The following MRPL19 variants were observed in gnomAD, a reference collection of about 807,000 sequenced individuals.
The protein encoded by MRPL19 is large ribosomal subunit protein bL19m.
MRPL19 carries 31 observed loss-of-function variants against 34.0 expected under a neutral mutation model. The observed-to-expected ratio is 0.91, with a 90% CI of 0.68 to 1.23. MRPL19 has a LOEUF of 1.23. MRPL19 is among the 50% of genes most tolerant of loss of function. The probability of loss-of-function intolerance (pLI) is 0.00; values close to 1 mark genes in which losing one functional copy is unlikely to be tolerated. For missense variants in MRPL19, 384 were observed against 367.6 expected, an observed-to-expected ratio of 1.04 and a Z score of -0.37; for synonymous variants, 152 against 127.7, an observed-to-expected ratio of 1.19 and a Z score of -1.28.
rs1042767008 is a variant in MRPL19 at position 75,655,308 on chromosome 2, T to C, written c.*23T>C. ...TGATTCTGAGAATGAATTTGGTTAGTTGCAGAAGATACATTGGCTCTAAGA... is the reference window on the plus strand; with the variant it reads ...TGATTCTGAGAATGAATTTGGTTAGCTGCAGAAGATACATTGGCTCTAAGA... On this transcript the variant is annotated 3_prime_UTR_variant, in exon 6 of 6. Transcript: ENST00000393909. 10 of 1,551,124 alleles carry C rather than the reference T, an allele frequency of 6.4e-6. No homozygotes were observed. Among genetic ancestry groups the C allele is most frequent in the African/African-American group, 4.1e-5 (3 of 73,636 alleles).
rs372834322 is a variant in MRPL19, at chr2:75,655,066, G to A, written c.660G>A (p.Leu220=). The change falls in exon 6 of 6, where the codon CTG becomes CTA. Residue 220 remains leucine, a splice_region_variant and synonymous_variant. Transcript: ENST00000393909. ...EPNQKVPVNE[L]KVKMKPKPWS... is the part of the protein sequence containing the mutation. Reference sequence around the variant, plus strand: ...TTTTTTTTTTTAATCTTCCTTAGCTGAAAGTAAAAATGAAGCCTAAGCCCT... The same window carrying A: ...TTTTTTTTTTTAATCTTCCTTAGCTAAAAGTAAAAATGAAGCCTAAGCCCT... 3.2e-5 allele frequency: 39 copies of A among 1,206,390 alleles called. No individual in the cohort carries two copies. Among genetic ancestry groups the A allele is most frequent in the Admixed American group, 1.4e-4 (6 of 41,936 alleles). 74.7% of individuals were successfully genotyped at this position (1,206,390 alleles called of 1,614,324 possible). A position where few individuals can be genotyped will look rare whatever the true frequency, so the allele number is the denominator to read the frequency against.
At chr2:75,649,581 T>C (rs1012407027) in intron 2 of MRPL19, among the ~76,000 whole-genome samples, 3 of 152,322 alleles carry the variant, frequency 2.0e-5, no homozygotes, top group Non-Finnish European at 2.9e-5. Flanking sequence ...ATCGTGATAA[T>C]ATAGGAGCAA....
chr2:75,652,689 G>T, intron 4 of MRPL19, 32 bp downstream of exon 4: 1 of 1,596,596 alleles, frequency 6.3e-7, no homozygotes, highest in Non-Finnish European at 8.5e-7. Context: ...TCATTGTCTA[G>T]AAAATGTTAT....
intron 2 of MRPL19, among the ~76,000 whole-genome samples, chr2:75,650,280 GAAGA>G (rs1445593606): frequency 1.5e-5 from 2 of 135,358 alleles, no homozygotes; most frequent in Non-Finnish European, 3.2e-5. Flanking sequence ...ATCAGTTAAA[GAAGA>G]AAAAAAGAAG....
Position 75,647,221 on chromosome 2 carries a change from T to A in MRPL19, c.221+2T>A. 6.3e-7 allele frequency: 1 copy of A among 1,578,268 alleles called. No homozygotes were observed. On this transcript the variant is annotated splice_donor_variant, in intron 2 of 5. Coordinates refer to ENST00000393909, the MANE Select transcript of MRPL19 (RefSeq NM_014763.4). LOFTEE classifies it high-confidence loss of function. ...CCGCCCCGTGGAACCGGAACGCAGG[T>A]GAGGCACTGCCCTGGCGCTAGGCCG...
chr2:75,653,380 C>T (rs1361059820), intron 4 of MRPL19, among the ~76,000 whole-genome samples: 1 of 152,174 alleles, frequency 6.6e-6, no homozygotes, highest in East Asian at 1.9e-4. Flanking sequence ...TGGTCAAATA[C>T]TTGGAGAGGC....
rs1678439859 is a variant in MRPL19, at chr2:75,655,901, A to C, written c.*616A>C. ...AACCTGAAAAAAAAAACCTGTTAGC[A>C]AGTATAAAGGGGCAGTATTACTATT... On this transcript the variant is annotated 3_prime_UTR_variant, in exon 6 of 6. Coordinates refer to ENST00000393909, the MANE Select transcript of MRPL19 (RefSeq NM_014763.4). 1 of 151,684 alleles carries C rather than the reference A, an allele frequency of 6.6e-6. No homozygotes were observed. The highest frequency in any genetic ancestry group is 6.6e-5 in the Admixed American group (1 of 15,220). The allele number at this position is 151,684 out of a possible 1,614,324, so 9.4% of individuals were successfully genotyped here.
chr2:75,648,618 G>C (rs548806823), intron 2 of MRPL19, among the ~76,000 whole-genome samples: 2 of 152,136 alleles, frequency 1.3e-5, no homozygotes, highest in African/African-American at 4.8e-5. Context: ...CCAGCACTTT[G>C]GGAGGCCGAG....
chr2:75,650,368 A>G (rs543303058), intron 2 of MRPL19, among the ~76,000 whole-genome samples: 1 of 152,348 alleles, frequency 6.6e-6, no homozygotes, highest in East Asian at 1.9e-4. Context: ...CATTTCTACA[A>G]TCACAACAAT....
Position 75,654,825 on chromosome 2 carries a change from TACTTAC to T in MRPL19, c.566_571del (p.Tyr189_Arg191delinsTer). The T allele has an allele frequency of 6.2e-7, 1 of 1,613,900 alleles. No homozygotes were observed. Among genetic ancestry groups the T allele is most frequent in the Non-Finnish European group, 8.5e-7 (1 of 1,179,858 alleles). On this transcript the variant is annotated stop_gained and inframe_deletion, in exon 5 of 6. Transcript: ENST00000393909. LOFTEE classifies it high-confidence loss of function. ...GAAACGGCTGGATGATAGCTTGCTA[TACTTAC>T]GAGATGCCCTTCCTGAATATAGCAC...
In MRPL19 at chr2:75,654,829, T is replaced by TA; in HGVS notation, c.570dup (p.Arg191ThrfsTer6). 6.2e-7 allele frequency: 1 copy of TA among 1,613,908 alleles called. No individual in the cohort carries two copies. The highest frequency in any genetic ancestry group is 1.7e-5 in the Admixed American group (1 of 59,984). Reference sequence around the variant, plus strand: ...CGGCTGGATGATAGCTTGCTATACTTACGAGATGCCCTTCCTGAATATAGC... The same window carrying TA: ...CGGCTGGATGATAGCTTGCTATACTTAACGAGATGCCCTTCCTGAATATAGC... On this transcript the variant is annotated frameshift_variant, in exon 5 of 6. Coordinates refer to ENST00000393909, the MANE Select transcript of MRPL19 (RefSeq NM_014763.4). LOFTEE classifies it high-confidence loss of function.
intron 1 of MRPL19, 94 bp from the exon 2 acceptor site, chr2:75,647,008 C>A: frequency 1.4e-6 from 2 of 1,480,070 alleles, no homozygotes; most frequent in Admixed American, 2.2e-5. Context: ...CAGCGTTGGT[C>A]CCCCGTGGGA....
At position 75,660,680 on chromosome 2, in the gene MRPL19, A is replaced by C. The variant is rs567046259; in HGVS notation, c.*5395A>C. 1.3e-5 allele frequency: 2 copies of C among 152,118 alleles called. No individual in the cohort carries two copies. Among genetic ancestry groups the C allele is most frequent in the South Asian group, 4.2e-4 (2 of 4,812 alleles). 9.4% of individuals were successfully genotyped at this position (152,118 alleles called of 1,614,324 possible). A position where few individuals can be genotyped will look rare whatever the true frequency, so the allele number is the denominator to read the frequency against. ...GAAAGGAGTTAAAACTAGCAGAAAA[A>C]TCTCTCTCCCAGTCTTTCCAGTCTT... On this transcript the variant is annotated 3_prime_UTR_variant, in exon 6 of 6. Coordinates refer to ENST00000393909, the MANE Select transcript of MRPL19 (RefSeq NM_014763.4).
Position 75,652,233 on chromosome 2 carries a change from G to A in MRPL19, c.313G>A (p.Val105Ile), listed in dbSNP as rs41382847. 7.7e-3 allele frequency: 12,272 copies of A among 1,591,114 alleles called. 75 individuals are homozygous for A. The highest frequency in any genetic ancestry group is 0.014 in the Middle Eastern group (83 of 5,944). Residue 105 changes from valine (V) to isoleucine (I), a missense_variant, in exon 3 of 6, where the codon GTA (valine) becomes ATA (isoleucine). Val to Ile is a conservative substitution (Grantham distance 29). Coordinates refer to ENST00000393909, the MANE Select transcript of MRPL19 (RefSeq NM_014763.4). ...ERKDMLERRKVLHIPEFYVGS... is the reference protein window; with the variant it reads ...ERKDMLERRKILHIPEFYVGS... The stretch of plus-strand genomic sequence containing the variant: ...AAAAGATATGTTAGAAAGGAGAAAA[G>A]TACTCCACATTCCAGAGTTCTATGT...
At position 75,652,197 on chromosome 2, in the gene MRPL19, C is replaced by G. The variant is rs1558719963; in HGVS notation, c.277C>G (p.Gln93Glu). 5 of 1,606,810 alleles carry G rather than the reference C, an allele frequency of 3.1e-6. No homozygotes were observed. The highest frequency in any genetic ancestry group is 4.5e-5 in the East Asian group (2 of 44,664). ...GGGAAGAACAGATCCTCTGAAATTTCAAATAGAAAGAAAAGATATGTTAGA... is the reference window on the plus strand; with the variant it reads ...GGGAAGAACAGATCCTCTGAAATTTGAAATAGAAAGAAAAGATATGTTAGA... Reference protein sequence around the residue: ...RRGRTDPLKFQIERKDMLERR... With the variant: ...RRGRTDPLKFEIERKDMLERR... The change falls in exon 3 of 6, where the codon CAA becomes GAA. Residue 93 changes from glutamine to glutamate, a missense_variant. Transcript: ENST00000393909.
In MRPL19 at chr2:75,661,909, G is replaced by A. The variant is rs1678632347; in HGVS notation, c.*6624G>A. The A allele has an allele frequency of 6.6e-6, 1 of 152,186 alleles. No individual in the cohort carries two copies. The highest frequency in any genetic ancestry group is 6.5e-5 in the Admixed American group (1 of 15,284). 9.4% of individuals were successfully genotyped at this position (152,186 alleles called of 1,614,324 possible). A position where few individuals can be genotyped will look rare whatever the true frequency, so the allele number is the denominator to read the frequency against. On this transcript the variant is annotated 3_prime_UTR_variant, in exon 6 of 6. Transcript: ENST00000393909. ...GAACAATGTTGAACAGAAATGGTGAGAGCAGACATCCTTGCTTTAATATTT... is the reference window on the plus strand; with the variant it reads ...GAACAATGTTGAACAGAAATGGTGAAAGCAGACATCCTTGCTTTAATATTT...
chr2:75,651,635 G>C, intron 2 of MRPL19: 1 of 349,936 alleles, frequency 2.9e-6, no homozygotes, highest in Middle Eastern at 1.0e-3. Flanking sequence ...CATCTTCTCT[G>C]ATCAGGAAGA....
intron 3 of MRPL19, 120 bp downstream of exon 3, chr2:75,652,380 A>G: frequency 7.7e-7 from 1 of 1,297,254 alleles, no homozygotes; most frequent in Non-Finnish European, 1.1e-6. Context: ...TTATGCTCAT[A>G]TGAAGTATTT....
At chr2:75,647,072 A>G (rs1482942637) in intron 1 of MRPL19, 30 bp from the exon 2 acceptor site, 1 of 1,553,352 alleles carries the variant, frequency 6.4e-7, no homozygotes, top group East Asian at 2.3e-5. Flanking sequence ...TTGGCACGAG[A>G]GTTCTGACCT....
Sources: allele counts gnomAD v4.1 joint callset (sites outside exome capture counted in the v4.1 genomes callset), GRCh38; gene constraint gnomAD v4.1.1; transcripts MANE v1.5; gene names NCBI Gene and HGNC (gene_info 2026-07-23, HGNC 2026-07-21).